PRORP: variants seen among roughly 807,000 people sequenced by gnomAD.
PRORP encodes mitochondrial ribonuclease P catalytic subunit.
In PRORP, 51 loss-of-function variants were observed where a neutral mutation model predicts 59.4. That is an observed-to-expected ratio of 0.86 (90% CI 0.69 to 1.08). PRORP has a LOEUF of 1.08. Among genes scored for constraint, PRORP ranks in the 50% least tolerant of loss-of-function variants. The probability of loss-of-function intolerance (pLI) is 0.00; values close to 1 mark genes in which losing one functional copy is unlikely to be tolerated. For missense variants in PRORP, 646 were observed against 690.3 expected, an observed-to-expected ratio of 0.94 and a Z score of 0.72; for synonymous variants, 231 against 245.6, an observed-to-expected ratio of 0.94 and a Z score of 0.55.
chr14:35,177,049 G>C lies in PRORP; in HGVS notation c.1168-3621G>C, dbSNP rs187291262. Among the ~76,000 whole-genome samples, 219 of 152,282 alleles carry C rather than the reference G, an allele frequency of 1.4e-3. 3 individuals carry two copies. The highest frequency in any genetic ancestry group is 0.01 in the South Asian group (49 of 4,816). On this transcript the variant is annotated intron_variant, in intron 4 of 7. Coordinates refer to ENST00000534898, the MANE Select transcript of PRORP (RefSeq NM_014672.4). ...GTTTATATGCTGGATTACATTTATT[G>C]ATTTGCGTATGTTGAACCAGCCTTG... is the stretch of plus-strand genomic sequence containing the variant.
chr14:35,180,526 C>CTGTG (rs3058430), intron 4 of PRORP, 144 bp from the exon 5 acceptor site: 5,680 of 537,296 alleles, frequency 0.011, 28 homozygotes, highest in East Asian at 0.045. Flanking sequence ...TGTAGAGTAT[C>CTGTG]TGTGTGTGTG....
chr14:35,122,293 C>A, upstream of PRORP: 2 of 322,022 alleles, frequency 6.2e-6, no homozygotes, highest in South Asian at 3.9e-5. Context: ...GTGCGCACCA[C>A]GTGACCCAGG....
chr14:35,148,757 G>A (rs1036157525), intron 4 of PRORP, among the ~76,000 whole-genome samples: 1 of 152,082 alleles, frequency 6.6e-6, no homozygotes, highest in African/African-American at 2.4e-5. Context: ...GCTTAGTGTA[G>A]CCACCTTCAT....
At chr14:35,127,129 C>T (rs763747529) in intron 3 of PRORP, among the ~76,000 whole-genome samples, 2 of 152,058 alleles carry the variant, frequency 1.3e-5, no homozygotes, top group African/African-American at 2.4e-5. Context: ...CGGTGGCTCA[C>T]GCCTGTAATC....
chr14:35,263,630 G>A (rs1480659504), intron 5 of PRORP, among the ~76,000 whole-genome samples: 2 of 152,202 alleles, frequency 1.3e-5, no homozygotes, highest in Non-Finnish European at 2.9e-5. Context: ...AGAGGTTGCA[G>A]TGAACTGAAA....
intron 5 of PRORP, among the ~76,000 whole-genome samples, chr14:35,225,459 G>A: frequency 6.6e-6 from 1 of 151,902 alleles, no homozygotes; most frequent in East Asian, 1.9e-4. Flanking sequence ...CGATTCTCCT[G>A]CCTCAGCCTC....
intron 5 of PRORP, among the ~76,000 whole-genome samples, chr14:35,192,405 T>G (rs1355005504): frequency 6.6e-6 from 1 of 152,226 alleles, no homozygotes; most frequent in African/African-American, 2.4e-5. Flanking sequence ...GAACTAGAGA[T>G]GAGTTTCAAC....
In PRORP at chr14:35,227,940, C is replaced by G. The variant is rs555355792; in HGVS notation, c.1276-38787C>G. On this transcript the variant is annotated intron_variant, in intron 5 of 7. Transcript: ENST00000534898. ...TCGGTGGATCACAAGGTCAGGAGTT[C>G]GAGACCAGCCTGGCCAATATGGTGA... Among the ~76,000 whole-genome samples, 9 of 151,412 alleles carry G rather than the reference C, an allele frequency of 5.9e-5. 1 individual carries two copies. Among genetic ancestry groups the G allele is most frequent in the Admixed American group, 5.9e-4 (9 of 15,222 alleles).
chr14:35,145,823 ATTTATTTATTTT>A (rs1480349060), intron 4 of PRORP, among the ~76,000 whole-genome samples: 16 of 114,240 alleles, frequency 1.4e-4, no homozygotes, highest in African/African-American at 3.7e-4. Context: ...TTATTTATTT[ATTTATTTATTTT>A]TTTATTTTTT....
intron 5 of PRORP, among the ~76,000 whole-genome samples, chr14:35,253,331 C>CAAAA (rs1344336297): frequency 1.5e-5 from 1 of 68,172 alleles, no homozygotes. Context: ...GAGACTGTTT[C>CAAAA]AAAAAAAAAA....
At chr14:35,242,779 C>T (rs1307908385) in intron 5 of PRORP, among the ~76,000 whole-genome samples, 1 of 152,126 alleles carries the variant, frequency 6.6e-6, no homozygotes, top group Non-Finnish European at 1.5e-5. Context: ...GAGTGCTGTG[C>T]TTAGCTGACA....
At chr14:35,252,768 TG>T (rs1388223259) in intron 5 of PRORP, among the ~76,000 whole-genome samples, 1 of 152,174 alleles carries the variant, frequency 6.6e-6, no homozygotes, top group Non-Finnish European at 1.5e-5. Flanking sequence ...AATATCAGGA[TG>T]AATGACTTCA....
At chr14:35,221,731 G>GTCATGCCCCTT (rs1435993724) in intron 5 of PRORP, among the ~76,000 whole-genome samples, 40 of 152,234 alleles carry the variant, frequency 2.6e-4, no homozygotes, top group Admixed American at 1.4e-3. Flanking sequence ...GCCTCCCATG[G>GTCATGCCCCTT]TCATGCCCCT....
At chr14:35,166,067 GAACACCCTTCTGAGGCTTAAAAGTT>G (rs2048177010) in intron 4 of PRORP, among the ~76,000 whole-genome samples, 1 of 152,048 alleles carries the variant, frequency 6.6e-6, no homozygotes, top group African/African-American at 2.4e-5. Context: ...TATTCCTTGA[GAACACCCTTCTGAGGCTTAAAAGTT>G]GGATCTCTGT....
At chr14:35,208,682 C>T (rs553577773) in intron 5 of PRORP, among the ~76,000 whole-genome samples, 1 of 152,054 alleles carries the variant, frequency 6.6e-6, no homozygotes, top group South Asian at 2.1e-4. Context: ...CCAGCCTGGC[C>T]AACATGGTGA....
At chr14:35,237,281 CA>C (rs1185377391) in intron 5 of PRORP, among the ~76,000 whole-genome samples, 1 of 151,934 alleles carries the variant, frequency 6.6e-6, no homozygotes, top group Admixed American at 6.6e-5. Context: ...TTCGTAGAGA[CA>C]AAGTCTCCCT....
In PRORP at chr14:35,156,442, ATTTTTG is replaced by A. The variant is rs752847996; in HGVS notation, c.1168-24208_1168-24203del. ...GGGCTAATTTAAACATAGGTGTTTT[ATTTTTG>A]TTTTTGTTTTTGTTTTTGTAATGAG... On this transcript the variant is annotated intron_variant, in intron 4 of 7. Coordinates refer to ENST00000534898, the MANE Select transcript of PRORP (RefSeq NM_014672.4). 2.1e-4 allele frequency among the ~76,000 whole-genome samples: 32 copies of A among 151,688 alleles called. No homozygotes were observed. In the South Asian group the frequency reaches 3.7e-3, roughly 18 times the overall value.
chr14:35,183,335 T>G (rs1269126926), intron 5 of PRORP, among the ~76,000 whole-genome samples: 1 of 152,150 alleles, frequency 6.6e-6, no homozygotes, highest in Admixed American at 6.6e-5. Context: ...TTTGTTCACG[T>G]TTTTTGAATT....
intron 5 of PRORP, among the ~76,000 whole-genome samples, chr14:35,253,864 A>G (rs536004045): frequency 1.3e-5 from 2 of 151,864 alleles, no homozygotes; most frequent in South Asian, 4.2e-4. Flanking sequence ...CATCCTTCAA[A>G]TAATGGTATT....
Sources: allele counts gnomAD v4.1 joint callset (sites outside exome capture counted in the v4.1 genomes callset), GRCh38; gene constraint gnomAD v4.1.1; transcripts MANE v1.5; gene names NCBI Gene and HGNC (gene_info 2026-07-23, HGNC 2026-07-21).